The following GCFC2 variants were observed in gnomAD, a reference collection of about 807,000 sequenced individuals.
GCFC2 encodes intron Large complex component GCFC2.
GCFC2 carries 102 observed loss-of-function variants against 99.4 expected under a neutral mutation model. The observed-to-expected ratio is 1.03, with a 90% CI of 0.87 to 1.21. GCFC2 has a LOEUF of 1.21. Ranked by LOEUF, GCFC2 falls within the 50% of genes most tolerant of loss-of-function variation. The pLI, the probability that GCFC2 is intolerant of heterozygous loss-of-function variation, is 0.00. For synonymous variants in GCFC2, 338 were observed against 316.8 expected (o/e 1.07, Z -0.71); for missense variants, 973 against 920.9 (o/e 1.06, Z -0.73).
In GCFC2 at chr2:75,706,659, G is replaced by A; in HGVS notation, c.266-8C>T. On this transcript the variant is annotated splice_region_variant and splice_polypyrimidine_tract_variant and intron_variant, in intron 1 of 16. Transcript: ENST00000321027. ...CATCAAGGGTTCTGGATTCTAACAG[G>A]ACATTTTAAAAATACAACAAAAAAG... The A allele has an allele frequency of 3.2e-6, 5 of 1,545,160 alleles. No individual in the cohort carries two copies. Among genetic ancestry groups the A allele is most frequent in the Non-Finnish European group, 4.4e-6 (5 of 1,136,278 alleles).
In GCFC2 at chr2:75,710,432, C is replaced by T. The variant is rs2104442260; in HGVS notation, c.265+159G>A. ...AGCGGGCAAGTGCTCGAGCTATTTT[C>T]TCGCTCACTACCTTCTGGATAAGTC... On this transcript the variant is annotated intron_variant, in intron 1 of 16. Transcript: ENST00000321027. The T allele has an allele frequency of 2.2e-6, 3 of 1,364,672 alleles. No homozygotes were observed. In the South Asian group the frequency reaches 5.3e-5, roughly 24 times the overall value. The allele number at this position is 1,364,672 out of a possible 1,614,324, so 84.5% of individuals were successfully genotyped here. A position where few individuals can be genotyped will look rare whatever the true frequency, so the allele number is the denominator to read the frequency against.
chr2:75,702,074 C>T (rs995984465), intron 3 of GCFC2, 125 bp downstream of exon 3: 85 of 1,458,420 alleles, frequency 5.8e-5, no homozygotes, highest in Non-Finnish European at 6.9e-5. Context: ...TGGACCAAAT[C>T]GATGTTAAAA....
At chr2:75,690,540 C>G in intron 8 of GCFC2, 98 bp downstream of exon 8, 1 of 721,148 alleles carries the variant, frequency 1.4e-6, no homozygotes. Context: ...TAATGTATAT[C>G]AGGTATAGTT....
At chr2:75,710,269 A>G (rs1681083113) in intron 1 of GCFC2, among the ~76,000 whole-genome samples, 1 of 152,212 alleles carries the variant, frequency 6.6e-6, no homozygotes, top group Non-Finnish European at 1.5e-5. Context: ...CTTTGTTGTG[A>G]CAGTTTAGGT....
chr2:75,669,904 T>C lies in GCFC2; in HGVS notation c.2103+234A>G, dbSNP rs150644029. 1,555 of 285,132 alleles carry C rather than the reference T, an allele frequency of 5.5e-3. 19 individuals carry two copies. The highest frequency in any genetic ancestry group is 0.031 in the African/African-American group (1,432 of 46,808). The allele number at this position is 285,132 out of a possible 1,614,324, so 17.7% of individuals were successfully genotyped here. A position where few individuals can be genotyped will look rare whatever the true frequency, so the allele number is the denominator to read the frequency against. On this transcript the variant is annotated intron_variant, in intron 15 of 16. Transcript: ENST00000321027. The stretch of plus-strand genomic sequence containing the variant: ...CGCACCTGGCTAATTTTTGTATCTT[T>C]AGTAGAGACGGAGTTTCACCATGTT...
At chr2:75,680,055 A>G (rs1462212258) in intron 12 of GCFC2, 138 bp downstream of exon 12, 3 of 639,200 alleles carry the variant, frequency 4.7e-6, no homozygotes, top group Non-Finnish European at 5.0e-6. Flanking sequence ...TCTAGTTTCT[A>G]TAAATCAAAA....
At chr2:75,710,986 G>A, upstream of GCFC2, 1 of 1,365,520 alleles carries the variant, frequency 7.3e-7, no homozygotes, top group South Asian at 1.7e-5. Context: ...CCTGCCTTCT[G>A]CTCACCGCTA....
chr2:75,707,836 G>C (rs868554502), intron 1 of GCFC2, among the ~76,000 whole-genome samples: 2 of 152,180 alleles, frequency 1.3e-5, no homozygotes, highest in African/African-American at 4.8e-5. Context: ...TGGCATGAAT[G>C]AATCAATTTG....
At chr2:75,707,016 C>T (rs1471941684) in intron 1 of GCFC2, among the ~76,000 whole-genome samples, 2 of 152,146 alleles carry the variant, frequency 1.3e-5, no homozygotes, top group Non-Finnish European at 2.9e-5. Context: ...GTACTAGGCA[C>T]ACTGAAACCT....
In GCFC2 at chr2:75,702,198, C is replaced by T. The variant is rs949947103; in HGVS notation, c.619+1G>A. On this transcript the variant is annotated splice_donor_variant, in intron 3 of 16. Transcript: ENST00000321027. LOFTEE classifies it high-confidence loss of function. The stretch of plus-strand genomic sequence containing the variant: ...ATCTTCATATATTGGTAAATCCATA[C>T]TTGATTCCTCAGCCATCCTTTGTCT... 6.2e-7 allele frequency: 1 copy of T among 1,601,564 alleles called. No homozygotes were observed.
intron 14 of GCFC2, among the ~76,000 whole-genome samples, chr2:75,671,054 A>C (rs1679071805): frequency 6.6e-6 from 1 of 152,220 alleles, no homozygotes; most frequent in Admixed American, 6.5e-5. Flanking sequence ...CAAATCCAAT[A>C]AACAGTGTTT....
intron 15 of GCFC2, among the ~76,000 whole-genome samples, chr2:75,668,339 G>GAAAACCAAAAC (rs567893132): frequency 2.6e-5 from 4 of 151,632 alleles, no homozygotes; most frequent in African/African-American, 9.7e-5. Context: ...AAGTGCTAAA[G>GAAAACCAAAAC]AAAACAAAAC....
At chr2:75,683,414 AG>A (rs1679663989) in intron 11 of GCFC2, among the ~76,000 whole-genome samples, 1 of 151,568 alleles carries the variant, frequency 6.6e-6, no homozygotes, top group African/African-American at 2.4e-5. Flanking sequence ...TGTCACCACC[AG>A]GCCTGCCTTA....
At chr2:75,696,054 G>A in intron 5 of GCFC2, 146 bp downstream of exon 5, 1 of 456,468 alleles carries the variant, frequency 2.2e-6, no homozygotes, top group Non-Finnish European at 4.0e-6. Flanking sequence ...GAAATAAATT[G>A]TGTTAGTATG....
chr2:75,688,243 G>A (rs58992106), intron 10 of GCFC2, among the ~76,000 whole-genome samples: 8,841 of 152,168 alleles, frequency 0.058, 477 homozygotes, highest in East Asian at 0.15. Context: ...GTGTGCCGGA[G>A]CCTTTAGACC....
intron 12 of GCFC2, among the ~76,000 whole-genome samples, chr2:75,679,351 A>G (rs1261982702): frequency 1.3e-5 from 2 of 152,154 alleles, no homozygotes; most frequent in Non-Finnish European, 2.9e-5. Context: ...CCAGTCTGTC[A>G]ATTTCTCCTT....
chr2:75,666,050 C>T lies in GCFC2; in HGVS notation c.2107G>A (p.Ala703Thr). The T allele has an allele frequency of 6.2e-7, 1 of 1,601,982 alleles. No individual in the cohort carries two copies. The highest frequency in any genetic ancestry group is 8.5e-7 in the Non-Finnish European group (1 of 1,174,098). The change falls in exon 16 of 17, where the codon GCA becomes ACA. Residue 703 changes from alanine (A) to threonine (T), a missense_variant. Transcript: ENST00000321027. ...PDVVKKCNQV[A>T]ACLPEKWFEN... ...AACCATTTTTCTGGTAGACATGCTG[C>T]TACCTGTTAATCAAAACACATGGCT...
chr2:75,710,986 G>T, upstream of GCFC2: 1 of 1,365,520 alleles, frequency 7.3e-7, no homozygotes, highest in Non-Finnish European at 9.4e-7. Context: ...CCTGCCTTCT[G>T]CTCACCGCTA....
Position 75,664,661 on chromosome 2 carries a change from T to G in GCFC2, c.*5A>C. On this transcript the variant is annotated 3_prime_UTR_variant, in exon 17 of 17. Transcript: ENST00000321027. ...AAAATTTTAGCATTTTCCAATAAAG[T>G]TTATTCAATCTTCTTTAATTAGTGA... The G allele has an allele frequency of 8.2e-7, 1 of 1,225,166 alleles. No homozygotes were observed. The highest frequency in any genetic ancestry group is 1.2e-6 in the Non-Finnish European group (1 of 839,606). The allele number at this position is 1,225,166 out of a possible 1,614,324, so 75.9% of individuals were successfully genotyped here. A position where few individuals can be genotyped will look rare whatever the true frequency, so the allele number is the denominator to read the frequency against.
Sources: gnomAD v4.1 joint callset for allele counts (sites outside exome capture counted in the v4.1 genomes callset) on GRCh38, gnomAD v4.1.1 for gene constraint, MANE v1.5 for transcripts, NCBI Gene and HGNC (gene_info 2026-07-23, HGNC 2026-07-21) for gene names.